PTPRN2: variants seen among roughly 807,000 people sequenced by gnomAD.
The protein encoded by PTPRN2 is receptor-type tyrosine-protein phosphatase N2.
Under a neutral mutation model 118.8 loss-of-function variants are expected in PTPRN2, and 74 were observed. The ratio of observed to expected loss-of-function variants is 0.62; its 90% confidence interval spans 0.52 to 0.76. The LOEUF (loss-of-function observed/expected upper bound fraction) is 0.76, where lower values mean the gene tolerates loss of function less well. Ranked by LOEUF, PTPRN2 falls within the 30% of genes least tolerant of loss-of-function variation. The probability of loss-of-function intolerance (pLI) is 0.00; values close to 1 mark genes in which losing one functional copy is unlikely to be tolerated. For synonymous variants in PTPRN2, 641 were observed against 608.0 expected, an observed-to-expected ratio of 1.05 and a Z score of -0.80; for missense variants, 1,481 against 1,394.4, an observed-to-expected ratio of 1.06 and a Z score of -0.99.
chr7:158,095,821 C>T (rs1314556590), intron 10 of PTPRN2, among the ~76,000 whole-genome samples: 1 of 152,186 alleles, frequency 6.6e-6, no homozygotes, highest in African/African-American at 2.4e-5. Context: ...TCCAGTGATC[C>T]TCCCAGTTCA....
intron 12 of PTPRN2, among the ~76,000 whole-genome samples, chr7:157,897,238 A>G (rs1035896666): frequency 2.6e-5 from 4 of 152,138 alleles, no homozygotes; most frequent in African/African-American, 7.2e-5. Flanking sequence ...TTGTACACGC[A>G]GGAGACGCAC....
intron 3 of PTPRN2, among the ~76,000 whole-genome samples, chr7:158,298,279 C>T (rs1480711029): frequency 2.0e-5 from 3 of 152,018 alleles, no homozygotes; most frequent in Non-Finnish European, 2.9e-5. Flanking sequence ...TTGCTTTGTT[C>T]GTCCTTTTAT....
chr7:158,040,152 T>C (rs780920149), intron 11 of PTPRN2, among the ~76,000 whole-genome samples: 1 of 151,596 alleles, frequency 6.6e-6, no homozygotes, highest in African/African-American at 2.4e-5. Flanking sequence ...ATATGCATAA[T>C]AGGAATACCA....
In PTPRN2 at chr7:158,146,903, G is replaced by A. The variant is rs961568403; in HGVS notation, c.911-8388C>T. Among the ~76,000 whole-genome samples, 6 of 151,686 alleles carry A rather than the reference G, an allele frequency of 4.0e-5. 2 individuals carry two copies. Among genetic ancestry groups the A allele is most frequent in the African/African-American group, 1.5e-4 (6 of 41,208 alleles). On this transcript the variant is annotated intron_variant, in intron 6 of 22. Coordinates refer to ENST00000389418, the MANE Select transcript of PTPRN2 (RefSeq NM_002847.5). ...AGGGAAAATACACCATTAAGATCCT[G>A]TGAAGAGACTGAATGACACCCCATC...
At chr7:157,911,526 T>C (rs898250932) in intron 11 of PTPRN2, among the ~76,000 whole-genome samples, 5 of 152,224 alleles carry the variant, frequency 3.3e-5, no homozygotes, top group Admixed American at 2.6e-4. Flanking sequence ...TTGGGGTTAA[T>C]TTGTAATTCA....
chr7:158,351,215 C>T lies in PTPRN2; in HGVS notation c.164-34283G>A, dbSNP rs144217293. ...GAACTCGTGCTACCACCTCCACCCA[C>T]CCCCAGGGGTTCTGCCCCTTCAGAA... On this transcript the variant is annotated intron_variant, in intron 2 of 22. Coordinates refer to ENST00000389418, the MANE Select transcript of PTPRN2 (RefSeq NM_002847.5). 8.1e-3 allele frequency among the ~76,000 whole-genome samples: 1,230 copies of T among 152,294 alleles called. 21 individuals are homozygous for T. Among genetic ancestry groups the T allele is most frequent in the African/African-American group, 0.029 (1,186 of 41,554 alleles).
chr7:158,004,654 C>T (rs535486109), intron 11 of PTPRN2, among the ~76,000 whole-genome samples: 5 of 152,232 alleles, frequency 3.3e-5, no homozygotes, highest in Non-Finnish European at 7.3e-5. Flanking sequence ...ATTGATCCCA[C>T]TATACTCTGC....
At chr7:158,146,450 G>C (rs1008395197) in intron 6 of PTPRN2, among the ~76,000 whole-genome samples, 1 of 152,054 alleles carries the variant, frequency 6.6e-6, no homozygotes, top group Non-Finnish European at 1.5e-5. Flanking sequence ...GGCTGGGCTT[G>C]GTGGCTCACA....
chr7:158,383,876 A>G (rs561905891), intron 2 of PTPRN2, among the ~76,000 whole-genome samples: 85 of 152,336 alleles, frequency 5.6e-4, no homozygotes, highest in African/African-American at 2.0e-3. Flanking sequence ...TAATAACGTC[A>G]TTAGTATTTT....
chr7:158,012,774 A>G (rs1585200123), intron 11 of PTPRN2, among the ~76,000 whole-genome samples: 1 of 152,236 alleles, frequency 6.6e-6, no homozygotes, highest in East Asian at 1.9e-4. Flanking sequence ...GGGATGAGAA[A>G]GAGAAATGAA....
intron 2 of PTPRN2, among the ~76,000 whole-genome samples, chr7:158,342,909 C>G (rs1031878914): frequency 1.3e-5 from 2 of 152,046 alleles, no homozygotes; most frequent in Non-Finnish European, 2.9e-5. Flanking sequence ...TTAGGGGCTT[C>G]AAAAGCGAAG....
Position 157,974,466 on chromosome 7 carries a change from C to G in PTPRN2, c.1724-75729G>C, listed in dbSNP as rs1188120117. On this transcript the variant is annotated intron_variant, in intron 11 of 22. Coordinates refer to ENST00000389418, the MANE Select transcript of PTPRN2 (RefSeq NM_002847.5). This position sits in a 1 kb window ranked among gnomAD's most constrained non-coding sequence, Gnocchi z 4.0. Reference sequence around the variant, plus strand: ...TGGGTCCACTTCGAGAAGACAGAGACAGAGTGAAGCCTCAAGAACAGTGTT... The same window carrying G: ...TGGGTCCACTTCGAGAAGACAGAGAGAGAGTGAAGCCTCAAGAACAGTGTT... 6.6e-6 allele frequency among the ~76,000 whole-genome samples: 1 copy of G among 152,202 alleles called. No individual in the cohort carries two copies. Among genetic ancestry groups the G allele is most frequent in the African/African-American group, 2.4e-5 (1 of 41,452 alleles).
intron 6 of PTPRN2, among the ~76,000 whole-genome samples, chr7:158,152,880 G>C (rs1240321191): frequency 6.7e-6 from 1 of 149,082 alleles, no homozygotes; most frequent in Non-Finnish European, 1.5e-5. Context: ...AGTGGGACAA[G>C]AGCAGACCAA....
At chr7:158,340,449 C>T (rs149093379) in intron 2 of PTPRN2, among the ~76,000 whole-genome samples, 491 of 57,944 alleles carry the variant, frequency 8.5e-3, no homozygotes, top group Non-Finnish European at 0.011. Flanking sequence ...AGAGCTGACA[C>T]CCGCAGACGT....
chr7:158,567,756 G>T (rs1486130629), intron 1 of PTPRN2, among the ~76,000 whole-genome samples: 2 of 152,094 alleles, frequency 1.3e-5, no homozygotes, highest in East Asian at 3.9e-4. Context: ...GTGAACACTG[G>T]GGGCTGCACC....
chr7:158,048,426 G>A (rs1457420176), intron 11 of PTPRN2, among the ~76,000 whole-genome samples: 1 of 152,116 alleles, frequency 6.6e-6, no homozygotes, highest in Admixed American at 6.5e-5. Context: ...ACTTGACTCT[G>A]AAAACTTGAA....
chr7:157,653,230 T>C (rs573131143), intron 14 of PTPRN2, among the ~76,000 whole-genome samples: 1 of 152,206 alleles, frequency 6.6e-6, no homozygotes, highest in African/African-American at 2.4e-5. Flanking sequence ...GATGCCACGT[T>C]TTGTCCAACG....
chr7:158,142,874 G>T (rs78055072), intron 6 of PTPRN2, among the ~76,000 whole-genome samples: 2,187 of 152,286 alleles, frequency 0.014, 50 homozygotes, highest in African/African-American at 0.046. Context: ...ACGCTGACAG[G>T]CTCACGTTGT....
At chr7:158,164,771 A>C (rs4382420) in intron 6 of PTPRN2, among the ~76,000 whole-genome samples, 96,547 of 151,966 alleles carry the variant, frequency 0.64, 31,352 homozygotes, top group East Asian at 0.78. Flanking sequence ...GACGACCCAA[A>C]GTGACCCCAC....
Sources: gnomAD v4.1 joint callset for allele counts (sites outside exome capture counted in the v4.1 genomes callset) on GRCh38, gnomAD v4.1.1 for gene constraint, Gnocchi (gnomAD v3.1) non-coding constraint, MANE v1.5 for transcripts, NCBI Gene and HGNC (gene_info 2026-07-23, HGNC 2026-07-21) for gene names.